Variants in BAIAP2L1 observed in about 807,000 individuals in gnomAD.
The protein encoded by BAIAP2L1 is BAR/IMD domain containing adaptor protein 2 like 1, also known as BAR/IMD domain-containing adapter protein 2-like 1.
BAIAP2L1 carries 35 observed loss-of-function variants against 66.3 expected under a neutral mutation model. The ratio of observed to expected loss-of-function variants is 0.53; its 90% CI spans 0.40 to 0.70. The LOEUF is 0.70. BAIAP2L1 is among the 30% of genes least tolerant of loss of function. The pLI is 0.00. For synonymous variants in BAIAP2L1, 269 were observed against 248.7 expected, an observed-to-expected ratio of 1.08 and a Z score of -0.77; for missense variants, 622 against 656.9, an observed-to-expected ratio of 0.95 and a Z score of 0.58.
intron 1 of BAIAP2L1, among the ~76,000 whole-genome samples, chr7:98,384,668 G>T (rs1562792742): frequency 6.8e-6 from 1 of 146,114 alleles, no homozygotes; most frequent in Non-Finnish European, 1.5e-5. Flanking sequence ...CCTTCAACCA[G>T]ACTCTGTGAG....
chr7:98,374,022 G>A (rs1420944642), intron 1 of BAIAP2L1, among the ~76,000 whole-genome samples: 1 of 152,008 alleles, frequency 6.6e-6, no homozygotes, highest in African/African-American at 2.4e-5. Flanking sequence ...GCAAGAACAT[G>A]GTTTACTGCA....
At position 98,367,370 on chromosome 7, in the gene BAIAP2L1, ATTTCTTT is replaced by A. The variant is rs370733426; in HGVS notation, c.52-4945_52-4939del. ...CTCATTTTTGGGGGAAGGTTTCATC[ATTTCTTT>A]TTTCTTTGTTTGAGACAGAGTCTTG... On this transcript the variant is annotated intron_variant, in intron 1 of 13. Coordinates refer to ENST00000005260, the MANE Select transcript of BAIAP2L1 (RefSeq NM_018842.5). Among the ~76,000 whole-genome samples the A allele has an allele frequency of 1.2e-3, 180 of 151,656 alleles. 1 individual carries two copies. The highest frequency in any genetic ancestry group is 4.3e-3 in the African/African-American group (176 of 41,356).
intron 1 of BAIAP2L1, among the ~76,000 whole-genome samples, chr7:98,392,980 T>C (rs1803083571): frequency 6.7e-6 from 1 of 149,732 alleles, no homozygotes; most frequent in South Asian, 2.1e-4. Context: ...TATATATAGA[T>C]ATATATATGT....
At chr7:98,322,309 C>T (rs1386577232) in intron 3 of BAIAP2L1, among the ~76,000 whole-genome samples, 1 of 152,178 alleles carries the variant, frequency 6.6e-6, no homozygotes, top group Non-Finnish European at 1.5e-5. Flanking sequence ...CTTCCCTTGT[C>T]CCAGCTCAGG....
intron 1 of BAIAP2L1, among the ~76,000 whole-genome samples, chr7:98,375,695 T>C (rs1448112084): frequency 7.7e-6 from 1 of 130,632 alleles, no homozygotes; most frequent in Non-Finnish European, 1.5e-5. Flanking sequence ...GTTGCGGTGA[T>C]CACACCCCCG....
At position 98,312,197 on chromosome 7, in the gene BAIAP2L1, G is replaced by A; in HGVS notation, c.707C>T (p.Pro236Leu). The A allele has an allele frequency of 1.2e-6, 2 of 1,614,110 alleles. No homozygotes were observed. The highest frequency in any genetic ancestry group is 1.7e-6 in the Non-Finnish European group (2 of 1,179,998). The change falls in exon 8 of 14, where the codon CCA becomes CTA. Residue 236 changes from proline to leucine, a missense_variant. Coordinates refer to ENST00000005260, the MANE Select transcript of BAIAP2L1 (RefSeq NM_018842.5). ...QETCVDAIKV[P>L]EKIMNMIEEI... ...TTCGATCATATTCATGATTTTCTCTGGCACTTTGATGGCATCAACACAGGT... is the reference window on the plus strand; with the variant it reads ...TTCGATCATATTCATGATTTTCTCTAGCACTTTGATGGCATCAACACAGGT...
At position 98,301,493 on chromosome 7, in the gene BAIAP2L1, A is replaced by ATG. The variant is rs762603062; in HGVS notation, c.1422+2702_1422+2703insCA. On this transcript the variant is annotated intron_variant, in intron 12 of 13. Transcript: ENST00000005260. The stretch of plus-strand genomic sequence containing the variant: ...TTTTTTGGTATATATATATATATAT[A>ATG]TTTTAAGTGGAGACGGGATTTCACC... Among the ~76,000 whole-genome samples the ATG allele has an allele frequency of 9.2e-4, 137 of 149,344 alleles. 2 individuals are homozygous for ATG. Among genetic ancestry groups the ATG allele is most frequent in the African/African-American group, 3.2e-3 (132 of 40,670 alleles).
At chr7:98,336,585 C>T (rs549231752) in intron 3 of BAIAP2L1, among the ~76,000 whole-genome samples, 1 of 152,266 alleles carries the variant, frequency 6.6e-6, no homozygotes, top group East Asian at 1.9e-4. Context: ...CACTGCACTC[C>T]AGCCTGGGCA....
At chr7:98,319,620 C>T (rs565730068) in intron 5 of BAIAP2L1, among the ~76,000 whole-genome samples, 1 of 149,062 alleles carries the variant, frequency 6.7e-6, no homozygotes, top group East Asian at 2.0e-4. Flanking sequence ...AATCTTGGCT[C>T]ACTGCAACCT....
At chr7:98,300,040 C>CATAA (rs771925010) in intron 12 of BAIAP2L1, among the ~76,000 whole-genome samples, 2 of 152,138 alleles carry the variant, frequency 1.3e-5, no homozygotes, top group Non-Finnish European at 2.9e-5. Flanking sequence ...GACTCCGTCT[C>CATAA]ATAAATAAAT....
intron 1 of BAIAP2L1, among the ~76,000 whole-genome samples, chr7:98,371,330 T>C (rs1802506289): frequency 6.6e-6 from 1 of 152,216 alleles, no homozygotes. Context: ...TGCATAGTTA[T>C]GGTTGCACAA....
At position 98,292,546 on chromosome 7, in the gene BAIAP2L1, A is replaced by T; in HGVS notation, c.*975T>A. 1.6e-6 allele frequency: 2 copies of T among 1,226,540 alleles called. No homozygotes were observed. Among genetic ancestry groups the T allele is most frequent in the Non-Finnish European group, 2.3e-6 (2 of 855,694 alleles). 76.0% of individuals were successfully genotyped at this position (1,226,540 alleles called of 1,614,324 possible). ...AAAGATGATTTCCAGCCCCGGGCTC[A>T]GGGCAGCCAGTGCGTAGTCCTCACA... On this transcript the variant is annotated 3_prime_UTR_variant, in exon 14 of 14. Transcript: ENST00000005260.
chr7:98,363,910 A>C (rs1051983796), intron 1 of BAIAP2L1, among the ~76,000 whole-genome samples: 1 of 152,234 alleles, frequency 6.6e-6, no homozygotes, highest in African/African-American at 2.4e-5. Flanking sequence ...CTGTGATAAC[A>C]ATGAAAAACA....
At chr7:98,307,992 CT>C (rs1288629247) in intron 9 of BAIAP2L1, 96 bp from the exon 10 acceptor site, 1 of 1,195,036 alleles carries the variant, frequency 8.4e-7, no homozygotes, top group African/African-American at 1.5e-5. Flanking sequence ...CTGTTCTCAT[CT>C]TGCCAACAAT....
At chr7:98,396,698 G>T (rs904532546) in intron 1 of BAIAP2L1, among the ~76,000 whole-genome samples, 9 of 152,166 alleles carry the variant, frequency 5.9e-5, no homozygotes, top group African/African-American at 2.2e-4. Context: ...TGAGGTGGGA[G>T]AATTGCTCGA....
intron 12 of BAIAP2L1, among the ~76,000 whole-genome samples, chr7:98,301,214 C>G (rs1207992869): frequency 3.9e-5 from 6 of 152,178 alleles, no homozygotes; most frequent in Admixed American, 3.3e-4. Flanking sequence ...CAGCTGCCAT[C>G]AGTGATAAAC....
At chr7:98,295,660 G>A (rs1800160003) in intron 12 of BAIAP2L1, among the ~76,000 whole-genome samples, 1 of 152,086 alleles carries the variant, frequency 6.6e-6, no homozygotes, top group Non-Finnish European at 1.5e-5. Context: ...TCCCACTGGA[G>A]TCATCTGACT....
chr7:98,310,267 G>A (rs368993448), intron 9 of BAIAP2L1, 178 bp downstream of exon 9: 7 of 599,824 alleles, frequency 1.2e-5, no homozygotes, highest in Non-Finnish European at 2.0e-5. Flanking sequence ...GCGTCTCACA[G>A]TCTAGTCCTG....
intron 3 of BAIAP2L1, among the ~76,000 whole-genome samples, chr7:98,350,447 A>G (rs955298904): frequency 2.0e-5 from 3 of 152,116 alleles, no homozygotes; most frequent in Non-Finnish European, 2.9e-5. Flanking sequence ...CACGAGGTCA[A>G]GAGATTGAGA....
Sources: gnomAD v4.1 joint callset for allele counts (sites outside exome capture counted in the v4.1 genomes callset) on GRCh38, gnomAD v4.1.1 for gene constraint, MANE v1.5 for transcripts, NCBI Gene and HGNC (gene_info 2026-07-23, HGNC 2026-07-21) for gene names.